Variants in SLCO1A2 observed in about 807,000 individuals in gnomAD.
SLCO1A2 encodes solute carrier organic anion transporter family member 1A2.
Under a neutral mutation model 69.0 loss-of-function variants are expected in SLCO1A2, and 67 were observed. That is an observed-to-expected ratio of 0.97 (90% CI 0.80 to 1.19). The LOEUF is 1.19. Among genes scored for constraint, SLCO1A2 ranks in the 50% most tolerant of loss-of-function variants. SLCO1A2 has a pLI of 0.00. For synonymous variants in SLCO1A2, 260 were observed against 265.9 expected (o/e 0.98, Z 0.22); for missense variants, 787 against 793.7 (o/e 0.99, Z 0.10).
At chr12:21,418,318 G>A (rs538270118), upstream of SLCO1A2, among the ~76,000 whole-genome samples, 1 of 152,176 alleles carries the variant, frequency 6.6e-6, no homozygotes, top group Non-Finnish European at 1.5e-5. Flanking sequence ...CAAATCTTTT[G>A]AGAGAAGTAA....
At chr12:21,397,497 T>A (rs1248631999), upstream of SLCO1A2, among the ~76,000 whole-genome samples, 1 of 151,958 alleles carries the variant, frequency 6.6e-6, no homozygotes, top group Non-Finnish European at 1.5e-5. Context: ...ACCCAGGAAC[T>A]GAACTCAGCT....
In SLCO1A2 at chr12:21,301,170, C is replaced by G. The variant is rs1234290397; in HGVS notation, c.688+1G>C. On this transcript the variant is annotated splice_donor_variant, in intron 7 of 14. Coordinates refer to ENST00000683939, the MANE Select transcript of SLCO1A2 (RefSeq NM_001386879.1). LOFTEE classifies it high-confidence loss of function. The stretch of plus-strand genomic sequence containing the variant: ...TGTACAAATAGATTTTATTGAATTA[C>G]CTGTGTTCACAAATCCAGTGTCAAC... 1 of 1,598,600 alleles carries G rather than the reference C, an allele frequency of 6.3e-7. No homozygotes were observed.
chr12:21,289,062 C>G (rs374398628), intron 12 of SLCO1A2, among the ~76,000 whole-genome samples: 2 of 151,540 alleles, frequency 1.3e-5, no homozygotes, highest in African/African-American at 4.8e-5. Context: ...AAAATCAATA[C>G]AAATATAAAT....
intron 1 of SLCO1A2, among the ~76,000 whole-genome samples, chr12:21,404,414 T>C (rs1490029780): frequency 6.6e-6 from 1 of 151,858 alleles, no homozygotes; most frequent in African/African-American, 2.4e-5. Context: ...AGGCTCAAGT[T>C]TGTGTTGGTC....
intron 3 of SLCO1A2, among the ~76,000 whole-genome samples, chr12:21,318,263 C>T (rs11045966): frequency 0.075 from 11,400 of 151,854 alleles, 715 homozygotes; most frequent in East Asian, 0.35. Flanking sequence ...GGACTACAGG[C>T]GCCCGCCACC....
intron 2 of SLCO1A2, among the ~76,000 whole-genome samples, chr12:21,345,020 G>A (rs71446768): frequency 0.04 from 6,011 of 151,980 alleles, 150 homozygotes; most frequent in Non-Finnish European, 0.052. Flanking sequence ...AAGAAAGGGT[G>A]GGTAAATGTT....
chr12:21,316,210 C>A (rs981753104), intron 3 of SLCO1A2, among the ~76,000 whole-genome samples: 5 of 152,184 alleles, frequency 3.3e-5, no homozygotes, highest in African/African-American at 1.2e-4. Context: ...CCACCCAACA[C>A]TAAACACATC....
At chr12:21,314,723 A>G (rs1185921415) in intron 3 of SLCO1A2, 42 bp from the exon 4 acceptor site, 1 of 1,461,366 alleles carries the variant, frequency 6.8e-7, no homozygotes, top group Admixed American at 1.8e-5. Context: ...AAGTATGAAC[A>G]AAGTCTTAAT....
rs145549056 is a variant in SLCO1A2 at position 21,346,671 on chromosome 12, G to A, written c.-62-11962C>T. Among the ~76,000 whole-genome samples the A allele has an allele frequency of 8.1e-3, 1,233 of 152,260 alleles. 15 individuals carry two copies. Among genetic ancestry groups the A allele is most frequent in the African/African-American group, 0.028 (1,181 of 41,556 alleles). On this transcript the variant is annotated intron_variant, in intron 2 of 15. Coordinates refer to the SLCO1A2 transcript ENST00000307378. ...TTTTCCTTTGATTGGAGTTTGACAT[G>A]TTGTGTGACCCAACCTCCAACATCA... is the stretch of plus-strand genomic sequence containing the variant.
chr12:21,330,120 A>G (rs904784047), intron 2 of SLCO1A2, among the ~76,000 whole-genome samples: 2 of 152,070 alleles, frequency 1.3e-5, no homozygotes, highest in Non-Finnish European at 2.9e-5. Context: ...TATAGCTATA[A>G]CAGACATACA....
rs745457396 is a variant in SLCO1A2 at position 21,294,074 on chromosome 12, AAAGAT to A, written c.1303_1307del (p.Ile435CysfsTer2). ...AGTTGCAATCCACATTGCAATCAGC[AAAGAT>A]GTCATTTTCCACATATAAATCTTGT... On this transcript the variant is annotated frameshift_variant, in exon 11 of 15. Transcript: ENST00000683939. LOFTEE classifies it high-confidence loss of function. 1.9e-6 allele frequency: 3 copies of A among 1,606,392 alleles called. No homozygotes were observed. The highest frequency in any genetic ancestry group is 2.5e-6 in the Non-Finnish European group (3 of 1,176,804).
intron 9 of SLCO1A2, among the ~76,000 whole-genome samples, 170 bp downstream of exon 9, chr12:21,297,218 CTTCTTTCCTTCCTTCT>C (rs1565480019): frequency 6.6e-6 from 1 of 151,692 alleles, no homozygotes; most frequent in African/African-American, 2.4e-5. Flanking sequence ...TCTTTCCTTC[CTTCTTTCCTTCCTTCT>C]TTCTTTCTTT....
At chr12:21,352,028 G>A (rs906450512) in intron 2 of SLCO1A2, among the ~76,000 whole-genome samples, 5 of 152,044 alleles carry the variant, frequency 3.3e-5, no homozygotes, top group African/African-American at 7.2e-5. Flanking sequence ...ACGAAATCTC[G>A]GAATAAAATC....
chr12:21,370,446 A>G (rs1939697402), intron 2 of SLCO1A2, among the ~76,000 whole-genome samples: 2 of 150,720 alleles, frequency 1.3e-5, no homozygotes, highest in Non-Finnish European at 3.0e-5. Context: ...GTCATTTAAC[A>G]TTAGGTATAT....
intron 2 of SLCO1A2, among the ~76,000 whole-genome samples, chr12:21,367,543 T>C (rs760793069): frequency 9.9e-5 from 15 of 152,108 alleles, no homozygotes; most frequent in Non-Finnish European, 1.9e-4. Flanking sequence ...CATATCATAT[T>C]TTATCATTCT....
intron 2 of SLCO1A2, among the ~76,000 whole-genome samples, chr12:21,353,028 C>G (rs759706182): frequency 5.3e-5 from 8 of 152,164 alleles, no homozygotes; most frequent in Non-Finnish European, 1.2e-4. Context: ...AACAAAATAA[C>G]AGAATATTCC....
exon 1 of SLCO1A2, chr12:21,394,930 G>C (rs1423350706): frequency 6.6e-6 from 1 of 152,212 alleles, no homozygotes; most frequent in Non-Finnish European, 1.5e-5. Flanking sequence ...GATGATGATA[G>C]TAACATAGCA....
At chr12:21,270,829 A>T (rs1292629079) in intron 14 of SLCO1A2, among the ~76,000 whole-genome samples, 1 of 149,168 alleles carries the variant, frequency 6.7e-6, no homozygotes, top group South Asian at 2.1e-4. Flanking sequence ...TTCATCCTTA[A>T]TGATGTTTTA....
At chr12:21,414,011 A>G (rs1275254682) in intron 1 of SLCO1A2, among the ~76,000 whole-genome samples, 1 of 152,168 alleles carries the variant, frequency 6.6e-6, no homozygotes, top group Non-Finnish European at 1.5e-5. Context: ...TTGAAACAAA[A>G]TTAGTTACCT....
Sources: gnomAD v4.1 joint callset for allele counts (sites outside exome capture counted in the v4.1 genomes callset) on GRCh38, gnomAD v4.1.1 for gene constraint, MANE v1.5 for transcripts, NCBI Gene and HGNC (gene_info 2026-07-23, HGNC 2026-07-21) for gene names.